The following FSHR variants were observed in gnomAD, a reference collection of about 807,000 sequenced individuals.
FSHR encodes the protein follicle-stimulating hormone receptor.
A neutral mutation model predicts 52.1 loss-of-function variants in FSHR; 46 were observed. The ratio of observed to expected loss-of-function variants is 0.88; its 90% CI spans 0.70 to 1.13. FSHR has a LOEUF of 1.13. FSHR is among the 50% of genes most tolerant of loss of function. FSHR has a pLI of 0.00. For synonymous variants in FSHR, 399 were observed against 309.6 expected (o/e 1.29, Z -3.03); for missense variants, 964 against 834.6 (o/e 1.16, Z -1.91).
At chr2:49,148,550 G>A (rs569036986) in intron 1 of FSHR, among the ~76,000 whole-genome samples, 1 of 152,084 alleles carries the variant, frequency 6.6e-6, no homozygotes, top group Admixed American at 6.6e-5. Flanking sequence ...GTGTACAAAG[G>A]AAATTTTCAC....
At chr2:49,124,294 C>A (rs1014335674) in intron 1 of FSHR, among the ~76,000 whole-genome samples, 1 of 151,828 alleles carries the variant, frequency 6.6e-6, no homozygotes, top group South Asian at 2.1e-4. Flanking sequence ...CACACCCGGC[C>A]GAGTTTTCTT....
intron 1 of FSHR, among the ~76,000 whole-genome samples, chr2:49,120,146 C>T (rs562876822): frequency 1.3e-5 from 2 of 152,174 alleles, no homozygotes; most frequent in Non-Finnish European, 2.9e-5. Flanking sequence ...TGGTGCCTGC[C>T]TGTAATCTCA....
chr2:48,986,963 A>C (rs534095614), intron 6 of FSHR, among the ~76,000 whole-genome samples: 8 of 152,348 alleles, frequency 5.3e-5, no homozygotes, highest in Non-Finnish European at 1.0e-4. Context: ...AAATTGAATA[A>C]GTTTGCCATA....
chr2:49,012,754 A>G (rs1363768696), intron 4 of FSHR, among the ~76,000 whole-genome samples: 2 of 152,120 alleles, frequency 1.3e-5, no homozygotes, highest in Non-Finnish European at 2.9e-5. Flanking sequence ...TTTCTCTTGA[A>G]GCAAGTAGTT....
intron 4 of FSHR, among the ~76,000 whole-genome samples, chr2:48,991,448 G>C (rs1675774114): frequency 6.6e-6 from 1 of 152,188 alleles, no homozygotes; most frequent in Non-Finnish European, 1.5e-5. Flanking sequence ...GAGTGAGGGA[G>C]AGTAGTGGGG....
intron 1 of FSHR, among the ~76,000 whole-genome samples, chr2:49,100,574 T>C (rs556271371): frequency 6.6e-6 from 1 of 152,292 alleles, no homozygotes; most frequent in African/African-American, 2.4e-5. Flanking sequence ...CCTACCTGGA[T>C]GAGATGCATG....
chr2:49,133,807 A>C (rs891065326), intron 1 of FSHR, among the ~76,000 whole-genome samples: 1 of 152,202 alleles, frequency 6.6e-6, no homozygotes, highest in African/African-American at 2.4e-5. Context: ...TGACAAAAAA[A>C]AGCAATGGGG....
intron 4 of FSHR, among the ~76,000 whole-genome samples, chr2:49,002,191 G>T (rs1326292184): frequency 6.6e-6 from 1 of 152,084 alleles, no homozygotes; most frequent in Non-Finnish European, 1.5e-5. Flanking sequence ...TCTGCATTAT[G>T]ATTTCTGTTA....
At chr2:48,985,533 G>C (rs1466481650) in intron 6 of FSHR, among the ~76,000 whole-genome samples, 6 of 152,104 alleles carry the variant, frequency 3.9e-5, no homozygotes, top group African/African-American at 1.4e-4. Context: ...GGGTGCAGAA[G>C]GGCTCAGAAG....
chr2:49,087,504 C>T (rs887299678), intron 1 of FSHR, among the ~76,000 whole-genome samples: 10 of 152,102 alleles, frequency 6.6e-5, no homozygotes, highest in African/African-American at 1.2e-4. Flanking sequence ...ATAAAAAAGA[C>T]GAAGTATCTG....
At position 49,127,819 on chromosome 2, in the gene FSHR, TCTTCTTCTTCC is replaced by T. The variant is rs1672086364; in HGVS notation, c.152+26436_152+26446del. ...TTCTTCTTCTTCTTCTTCTTCTTCTTCTTCTTCTTCCTCTTCTTCTTCTTCTTCTTCTTCTT... is the reference window on the plus strand; with the variant it reads ...TTCTTCTTCTTCTTCTTCTTCTTCTTTCTTCTTCTTCTTCTTCTTCTTCTT... On this transcript the variant is annotated intron_variant, in intron 1 of 9. Coordinates refer to ENST00000406846, the MANE Select transcript of FSHR (RefSeq NM_000145.4). Among the ~76,000 whole-genome samples, 2 of 72,158 alleles carry T rather than the reference TCTTCTTCTTCC, an allele frequency of 2.8e-5. 1 individual carries two copies. The allele number at this position is 72,158 out of a possible 152,430, so 47.3% of individuals were successfully genotyped here. A position where few individuals can be genotyped will look rare whatever the true frequency, so the allele number is the denominator to read the frequency against.
At chr2:49,085,952 T>C (rs1431816946) in intron 1 of FSHR, among the ~76,000 whole-genome samples, 4 of 92,344 alleles carry the variant, frequency 4.3e-5, no homozygotes, top group Admixed American at 1.3e-4. Context: ...CATCACACAC[T>C]GGGGCCTGTT....
intron 4 of FSHR, among the ~76,000 whole-genome samples, chr2:49,005,255 T>C (rs1667038873): frequency 6.6e-6 from 1 of 152,146 alleles, no homozygotes; most frequent in Admixed American, 6.5e-5. Context: ...GAGGTGGTCC[T>C]TGCCTCCCTG....
chr2:48,982,943 C>T lies in FSHR; in HGVS notation c.637G>A (p.Val213Ile). Residue 213 changes from valine (V) to isoleucine (I), a missense_variant, in exon 8 of 10, where the codon GTT (valine) becomes ATT (isoleucine). Coordinates refer to ENST00000406846, the MANE Select transcript of FSHR (RefSeq NM_000145.4). ...ACTGGTCCAGAGGCTCCGTGGAAAA[C>T]ATCATTAGGCAATTCTTCTAAATTA... ...NNNLEELPND[V>I]FHGASGPVIL... 1 of 1,614,100 alleles carries T rather than the reference C, an allele frequency of 6.2e-7. No homozygotes were observed. Among genetic ancestry groups the T allele is most frequent in the Non-Finnish European group, 8.5e-7 (1 of 1,179,966 alleles).
intron 1 of FSHR, among the ~76,000 whole-genome samples, chr2:49,109,797 T>C (rs1671359497): frequency 6.6e-6 from 1 of 152,140 alleles, no homozygotes; most frequent in Non-Finnish European, 1.5e-5. Flanking sequence ...TCTGCTAAAT[T>C]AGGAACGTGA....
chr2:49,116,666 T>G (rs1671610660), intron 1 of FSHR, among the ~76,000 whole-genome samples: 1 of 152,212 alleles, frequency 6.6e-6, no homozygotes, highest in African/African-American at 2.4e-5. Context: ...CCAATAGCTT[T>G]TTATGTACCC....
At chr2:49,028,972 T>G (rs993179850) in intron 2 of FSHR, among the ~76,000 whole-genome samples, 1 of 152,204 alleles carries the variant, frequency 6.6e-6, no homozygotes, top group Non-Finnish European at 1.5e-5. Context: ...GTACCCTGGG[T>G]GGTTGCTAGC....
At chr2:49,136,741 C>T (rs892573277) in intron 1 of FSHR, among the ~76,000 whole-genome samples, 4 of 152,006 alleles carry the variant, frequency 2.6e-5, no homozygotes, top group African/African-American at 9.7e-5. Context: ...TAATATATTA[C>T]ATCAATATAA....
chr2:48,970,507 T>C (rs1192859573), intron 8 of FSHR, among the ~76,000 whole-genome samples: 2 of 150,740 alleles, frequency 1.3e-5, no homozygotes, highest in African/African-American at 4.8e-5. Flanking sequence ...TTCTTTCTGA[T>C]GCTTTTGTTT....
Sources: gnomAD v4.1 joint callset for allele counts (sites outside exome capture counted in the v4.1 genomes callset) on GRCh38, gnomAD v4.1.1 for gene constraint, MANE v1.5 for transcripts, NCBI Gene and HGNC (gene_info 2026-07-23, HGNC 2026-07-21) for gene names.